Variants in LRRC4C observed in about 807,000 individuals in gnomAD.
The protein encoded by LRRC4C is leucine-rich repeat-containing protein 4C.
A neutral mutation model predicts 33.6 loss-of-function variants in LRRC4C; 5 were observed. The ratio of observed to expected loss-of-function variants is 0.15; its 90% confidence interval spans 0.08 to 0.31. LRRC4C has a LOEUF of 0.31. LRRC4C is among the 10% of genes least tolerant of loss of function. The pLI is 1.00. For missense variants in LRRC4C, 560 were observed against 796.7 expected, an observed-to-expected ratio of 0.70 and a Z score of 3.58; for synonymous variants, 329 against 302.0, an observed-to-expected ratio of 1.09 and a Z score of -0.93.
intron 1 of LRRC4C, among the ~76,000 whole-genome samples, chr11:41,229,495 C>G (rs1187252349): frequency 6.6e-6 from 1 of 152,102 alleles, no homozygotes. Flanking sequence ...ATATTCACCT[C>G]TTCACTGTTG....
chr11:40,654,784 C>T (rs1383638184), intron 2 of LRRC4C, among the ~76,000 whole-genome samples: 1 of 152,054 alleles, frequency 6.6e-6, no homozygotes, highest in African/African-American at 2.4e-5. Context: ...CTCTGTGTTC[C>T]CACCCAAATC....
At chr11:40,815,969 T>C (rs1194125608) in intron 2 of LRRC4C, among the ~76,000 whole-genome samples, 2 of 152,346 alleles carry the variant, frequency 1.3e-5, no homozygotes, top group African/African-American at 4.8e-5. Flanking sequence ...AATTATTTAA[T>C]GCGATTTCAC....
chr11:40,777,335 C>G (rs898250681), intron 2 of LRRC4C, among the ~76,000 whole-genome samples: 6 of 152,098 alleles, frequency 3.9e-5, no homozygotes, highest in African/African-American at 1.2e-4. Context: ...GACTTCTCCT[C>G]TATAATTATG....
intron 2 of LRRC4C, among the ~76,000 whole-genome samples, chr11:40,750,076 C>T (rs1379682544): frequency 6.6e-6 from 1 of 151,886 alleles, no homozygotes; most frequent in Non-Finnish European, 1.5e-5. Flanking sequence ...CAAAAACTAC[C>T]TAGGCAGTAG....
At chr11:41,025,955 A>C (rs760468814) in intron 1 of LRRC4C, among the ~76,000 whole-genome samples, 2 of 151,734 alleles carry the variant, frequency 1.3e-5, no homozygotes, top group Non-Finnish European at 3.0e-5. Context: ...ATTCCTTTCA[A>C]AATATTACTG....
At chr11:41,059,892 G>A (rs951375538) in intron 1 of LRRC4C, among the ~76,000 whole-genome samples, 4 of 152,170 alleles carry the variant, frequency 2.6e-5, no homozygotes, top group African/African-American at 9.6e-5. Context: ...AGGCATGGTG[G>A]CACGCACCTG....
At chr11:40,438,926 C>CTT (rs869144067) in intron 3 of LRRC4C, among the ~76,000 whole-genome samples, 238 of 106,906 alleles carry the variant, frequency 2.2e-3, no homozygotes, top group African/African-American at 4.0e-3. Context: ...TGAATTGCTA[C>CTT]TTTTTTTTTT....
chr11:40,850,944 C>T (rs559089105), intron 2 of LRRC4C, among the ~76,000 whole-genome samples: 1 of 152,282 alleles, frequency 6.6e-6, no homozygotes, highest in South Asian at 2.1e-4. Context: ...GGAAAACCAC[C>T]TACTCAAGCC....
intron 1 of LRRC4C, among the ~76,000 whole-genome samples, chr11:41,412,579 C>G (rs1954530768): frequency 6.6e-6 from 1 of 152,190 alleles, no homozygotes; most frequent in Non-Finnish European, 1.5e-5. Context: ...GTTCATTAAT[C>G]TGTTAATTGC....
At chr11:40,481,816 A>C (rs937494665) in intron 3 of LRRC4C, among the ~76,000 whole-genome samples, 1 of 152,188 alleles carries the variant, frequency 6.6e-6, no homozygotes, top group Admixed American at 6.5e-5. Context: ...GAATTGAGAT[A>C]TCAGATAAGC....
intron 1 of LRRC4C, among the ~76,000 whole-genome samples, chr11:41,418,643 A>G (rs1169325357): frequency 2.0e-5 from 3 of 152,072 alleles, no homozygotes; most frequent in Admixed American, 2.0e-4. Context: ...AACTATCACA[A>G]ACATATGATA....
chr11:41,381,378 A>G (rs1953141812), intron 1 of LRRC4C, among the ~76,000 whole-genome samples: 1 of 152,176 alleles, frequency 6.6e-6, no homozygotes, highest in African/African-American at 2.4e-5. Flanking sequence ...CTGTAATCCC[A>G]GTACTTTGGG....
At chr11:40,479,872 A>C (rs1314513664) in intron 3 of LRRC4C, among the ~76,000 whole-genome samples, 1 of 152,134 alleles carries the variant, frequency 6.6e-6, no homozygotes, top group Non-Finnish European at 1.5e-5. Context: ...ATGTCTTCCT[A>C]ATTGTAACAT....
intron 3 of LRRC4C, among the ~76,000 whole-genome samples, chr11:40,576,571 A>T (rs753809070): frequency 6.6e-6 from 1 of 152,166 alleles, no homozygotes; most frequent in Non-Finnish European, 1.5e-5. Flanking sequence ...TTTTCATGAC[A>T]GCTCAACGTT....
At chr11:40,795,961 G>C (rs1368020594) in intron 2 of LRRC4C, among the ~76,000 whole-genome samples, 1 of 152,272 alleles carries the variant, frequency 6.6e-6, no homozygotes, top group South Asian at 2.1e-4. Flanking sequence ...GGAAAAATGT[G>C]TTCTTAGCCC....
intron 1 of LRRC4C, among the ~76,000 whole-genome samples, chr11:41,370,426 C>G (rs945350897): frequency 3.9e-5 from 6 of 152,048 alleles, no homozygotes; most frequent in Non-Finnish European, 8.8e-5. Context: ...GTGGGAGGGA[C>G]CCAGTGGGAG....
chr11:41,420,368 C>A (rs1954833295), intron 1 of LRRC4C, among the ~76,000 whole-genome samples: 1 of 152,028 alleles, frequency 6.6e-6, no homozygotes, highest in Non-Finnish European at 1.5e-5. Context: ...ATTCCATAAT[C>A]ATTTTTTCCA....
chr11:41,327,070 A>G (rs1951144409), intron 1 of LRRC4C, among the ~76,000 whole-genome samples: 1 of 152,178 alleles, frequency 6.6e-6, no homozygotes, highest in African/African-American at 2.4e-5. Context: ...GGAGGCTGAG[A>G]TACAGGAGAC....
At chr11:40,337,796 G>T (rs1404078307) in intron 3 of LRRC4C, among the ~76,000 whole-genome samples, 1 of 152,038 alleles carries the variant, frequency 6.6e-6, no homozygotes, top group Admixed American at 6.6e-5. Context: ...ATAGCCTAGT[G>T]CCCATTGATT....
Sources: gnomAD v4.1 joint callset for allele counts (sites outside exome capture counted in the v4.1 genomes callset) on GRCh38, gnomAD v4.1.1 for gene constraint, MANE v1.5 for transcripts, NCBI Gene and HGNC (gene_info 2026-07-23, HGNC 2026-07-21) for gene names.